TAFA1: variants seen among roughly 807,000 people sequenced by gnomAD.
TAFA1 encodes TAFA chemokine like family member 1, also known as chemokine-like protein TAFA-1.
TAFA1 carries 4 observed loss-of-function variants against 18.5 expected under a neutral mutation model. The ratio of observed to expected loss-of-function variants is 0.22; its 90% CI spans 0.11 to 0.49. TAFA1 has a LOEUF of 0.49. TAFA1 is among the 20% of genes least tolerant of loss of function. The probability of loss-of-function intolerance (pLI) is 0.98; values close to 1 mark genes in which losing one functional copy is unlikely to be tolerated. For synonymous variants in TAFA1, 56 were observed against 55.2 expected, an observed-to-expected ratio of 1.01 and a Z score of -0.06; for missense variants, 147 against 169.0, an observed-to-expected ratio of 0.87 and a Z score of 0.72.
At chr3:68,363,069 C>A (rs1026790380) in intron 2 of TAFA1, among the ~76,000 whole-genome samples, 1 of 140,948 alleles carries the variant, frequency 7.1e-6, no homozygotes, top group Admixed American at 7.5e-5. Flanking sequence ...GATGATATTG[C>A]CAATTACCTA....
chr3:68,531,563 G>A (rs1446368831), intron 3 of TAFA1, among the ~76,000 whole-genome samples: 1 of 152,068 alleles, frequency 6.6e-6, no homozygotes, highest in Admixed American at 6.6e-5. Context: ...CTCATTTGAG[G>A]CATTTTTCCC....
intron 2 of TAFA1, among the ~76,000 whole-genome samples, chr3:68,117,195 G>A (rs1401655978): frequency 6.6e-6 from 1 of 152,076 alleles, no homozygotes; most frequent in East Asian, 1.9e-4. Flanking sequence ...GCATTATTAA[G>A]TACCCTTCAT....
intron 2 of TAFA1, among the ~76,000 whole-genome samples, chr3:68,412,054 A>G (rs2070729390): frequency 6.6e-6 from 1 of 152,150 alleles, no homozygotes; most frequent in East Asian, 1.9e-4. Context: ...TCAAAATCAA[A>G]GAGCCTGTTA....
intron 3 of TAFA1, among the ~76,000 whole-genome samples, chr3:68,446,298 A>C (rs919967638): frequency 1.3e-5 from 2 of 152,158 alleles, no homozygotes; most frequent in African/African-American, 4.8e-5. Flanking sequence ...AGGAATAAAT[A>C]GTCACAATGG....
intron 2 of TAFA1, among the ~76,000 whole-genome samples, chr3:68,365,253 A>G (rs900732650): frequency 4.6e-5 from 7 of 152,196 alleles, no homozygotes; most frequent in African/African-American, 9.6e-5. Context: ...AGATACACAG[A>G]CAGTAAATGA....
chr3:68,178,051 G>A lies in TAFA1; in HGVS notation c.118+171307G>A, dbSNP rs191205766. ...CCCAGCTACTCGGGAGGCTGAGGCAGGAGAATGGCGTGAACCTGGGAGGCG... is the reference window on the plus strand; with the variant it reads ...CCCAGCTACTCGGGAGGCTGAGGCAAGAGAATGGCGTGAACCTGGGAGGCG... On this transcript the variant is annotated intron_variant, in intron 2 of 4. Transcript: ENST00000478136. Among the ~76,000 whole-genome samples, 1,208 of 152,210 alleles carry A rather than the reference G, an allele frequency of 7.9e-3. 16 individuals carry two copies. The highest frequency in any genetic ancestry group is 0.027 in the African/African-American group (1,115 of 41,534).
At chr3:68,260,187 T>C (rs1325097132) in intron 2 of TAFA1, among the ~76,000 whole-genome samples, 1 of 152,162 alleles carries the variant, frequency 6.6e-6, no homozygotes, top group Non-Finnish European at 1.5e-5. Flanking sequence ...CTGCATCTAT[T>C]GAGATAATCA....
chr3:68,315,583 C>A (rs115457218), intron 2 of TAFA1, among the ~76,000 whole-genome samples: 2,455 of 152,180 alleles, frequency 0.016, 35 homozygotes, highest in Non-Finnish European at 0.023. Flanking sequence ...TTATATAGTT[C>A]TTTATATAGA....
intron 2 of TAFA1, among the ~76,000 whole-genome samples, chr3:68,414,011 T>C (rs1209443161): frequency 6.6e-6 from 1 of 150,612 alleles, no homozygotes; most frequent in Non-Finnish European, 1.5e-5. Flanking sequence ...AGAGAGAGAG[T>C]CATAACAAAT....
chr3:68,288,923 T>C (rs1053908344), intron 2 of TAFA1, among the ~76,000 whole-genome samples: 3 of 152,234 alleles, frequency 2.0e-5, no homozygotes, highest in Non-Finnish European at 4.4e-5. Context: ...AAGATCATTG[T>C]AGAAATAACT....
At position 68,450,060 on chromosome 3, in the gene TAFA1, T is replaced by C. The variant is rs149776674; in HGVS notation, c.259+32640T>C. Among the ~76,000 whole-genome samples the C allele has an allele frequency of 7.2e-5, 11 of 151,884 alleles. No homozygotes were observed. In the East Asian group the frequency reaches 2.0e-3, roughly 27 times the overall value. On this transcript the variant is annotated intron_variant, in intron 3 of 4. Transcript: ENST00000478136. The stretch of plus-strand genomic sequence containing the variant: ...GGAGGCAGGTAGAACAGTTAGATGA[T>C]TGCCATGATCCACACAAGGAATGAT...
chr3:68,161,353 C>T (rs572105291), intron 2 of TAFA1, among the ~76,000 whole-genome samples: 2 of 152,076 alleles, frequency 1.3e-5, no homozygotes, highest in Non-Finnish European at 2.9e-5. Context: ...TAAGAGGGTA[C>T]AGTGGGGGTT....
At chr3:68,253,571 A>G (rs942818693) in intron 2 of TAFA1, among the ~76,000 whole-genome samples, 3 of 152,154 alleles carry the variant, frequency 2.0e-5, no homozygotes, top group Non-Finnish European at 4.4e-5. Context: ...ACTGTCTTAC[A>G]TTAATATTTT....
At chr3:68,347,058 TCA>T (rs1290551686) in intron 2 of TAFA1, among the ~76,000 whole-genome samples, 7 of 152,186 alleles carry the variant, frequency 4.6e-5, no homozygotes, top group Admixed American at 6.5e-5. Context: ...GATCTTGCTT[TCA>T]TCTTATGTCA....
At chr3:68,431,779 C>A (rs1196842276) in intron 3 of TAFA1, among the ~76,000 whole-genome samples, 1 of 151,908 alleles carries the variant, frequency 6.6e-6, no homozygotes, top group Non-Finnish European at 1.5e-5. Flanking sequence ...CCTCAGACAC[C>A]AAATTAAAGA....
At chr3:68,390,697 G>A (rs1022447285) in intron 2 of TAFA1, among the ~76,000 whole-genome samples, 1 of 152,210 alleles carries the variant, frequency 6.6e-6, no homozygotes, top group Non-Finnish European at 1.5e-5. Context: ...CTCTGCTGGT[G>A]ATACTCAGGC....
intron 2 of TAFA1, among the ~76,000 whole-genome samples, chr3:68,093,006 A>G (rs1396952725): frequency 6.6e-6 from 1 of 152,194 alleles, no homozygotes; most frequent in East Asian, 1.9e-4. Flanking sequence ...TCTTTTGGAT[A>G]CATAATCAGT....
At chr3:68,338,391 T>A (rs2069013686) in intron 2 of TAFA1, among the ~76,000 whole-genome samples, 1 of 152,218 alleles carries the variant, frequency 6.6e-6, no homozygotes. Context: ...AAAATATGCT[T>A]TGTTTGTCTT....
intron 2 of TAFA1, among the ~76,000 whole-genome samples, chr3:68,025,505 C>A (rs899634553): frequency 6.6e-6 from 1 of 152,168 alleles, no homozygotes; most frequent in African/African-American, 2.4e-5. Flanking sequence ...AACCCACACA[C>A]AGTGGTTTTA....
Sources: gnomAD v4.1 joint callset for allele counts (sites outside exome capture counted in the v4.1 genomes callset) on GRCh38, gnomAD v4.1.1 for gene constraint, MANE v1.5 for transcripts, NCBI Gene and HGNC (gene_info 2026-07-23, HGNC 2026-07-21) for gene names.